Variants in TAS2R1 observed in about 807,000 individuals in gnomAD.
The protein encoded by TAS2R1 is taste receptor type 2 member 1.
For missense variants in TAS2R1, 370 were observed against 353.4 expected, an observed-to-expected ratio of 1.05 and a Z score of -0.38; for synonymous variants, 141 against 134.2, an observed-to-expected ratio of 1.05 and a Z score of -0.35.
intron 2 of TAS2R1, among the ~76,000 whole-genome samples, chr5:9,638,953 C>T (rs548203739): frequency 2.6e-5 from 4 of 152,138 alleles, no homozygotes; most frequent in Non-Finnish European, 4.4e-5. Context: ...GTTGGTGAGG[C>T]TGGTCTCACT....
chr5:9,724,838 T>C, the TAS2R1 span, among the ~76,000 whole-genome samples: 2 of 152,228 alleles, frequency 1.3e-5, no homozygotes, highest in Non-Finnish European at 2.9e-5. Context: ...CAAATGACTT[T>C]ACAATTTAGG....
chr5:9,867,438 A>T, the TAS2R1 span, among the ~76,000 whole-genome samples: 1 of 152,178 alleles, frequency 6.6e-6, no homozygotes, highest in Non-Finnish European at 1.5e-5. Context: ...TGGTGGCAGG[A>T]AAGAGTGTAT....
At chr5:9,755,580 C>T in the TAS2R1 span, among the ~76,000 whole-genome samples, 369 of 134,486 alleles carry the variant, frequency 2.7e-3, no homozygotes, top group Non-Finnish European at 4.3e-3. Flanking sequence ...GAGTGAGACT[C>T]CATCTCCAAA....
chr5:9,729,993 A>G, the TAS2R1 span, among the ~76,000 whole-genome samples: 4 of 152,238 alleles, frequency 2.6e-5, no homozygotes, highest in Non-Finnish European at 5.9e-5. Context: ...AGAATTCACA[A>G]AAGGGAAGTC....
the TAS2R1 span, among the ~76,000 whole-genome samples, chr5:9,826,536 A>C: frequency 6.6e-6 from 1 of 152,232 alleles, no homozygotes; most frequent in African/African-American, 2.4e-5. Flanking sequence ...AGAAGAAAGA[A>C]TACTTTTGCA....
chr5:9,880,697 T>C, the TAS2R1 span, among the ~76,000 whole-genome samples: 1 of 152,164 alleles, frequency 6.6e-6, no homozygotes, highest in African/African-American at 2.4e-5. Flanking sequence ...AATAGCCATG[T>C]AGACAACAAC....
At chr5:9,753,168 G>A in the TAS2R1 span, among the ~76,000 whole-genome samples, 2 of 152,346 alleles carry the variant, frequency 1.3e-5, no homozygotes, top group South Asian at 4.1e-4. Flanking sequence ...CCCACCAACA[G>A]TGTAAAATTG....
At chr5:9,792,495 C>T in the TAS2R1 span, among the ~76,000 whole-genome samples, 3 of 152,144 alleles carry the variant, frequency 2.0e-5, no homozygotes, top group Non-Finnish European at 2.9e-5. Context: ...ACACTGGCAA[C>T]GATCAACCCG....
chr5:9,722,306 C>T, the TAS2R1 span, among the ~76,000 whole-genome samples: 3 of 152,200 alleles, frequency 2.0e-5, no homozygotes, highest in Non-Finnish European at 4.4e-5. Flanking sequence ...ATTCCTGACC[C>T]ATAGACACAG....
chr5:9,799,921 T>C, the TAS2R1 span, among the ~76,000 whole-genome samples: 4 of 152,212 alleles, frequency 2.6e-5, no homozygotes, highest in African/African-American at 9.7e-5. Context: ...TATTTTGTTA[T>C]CATAAAAAAA....
the TAS2R1 span, among the ~76,000 whole-genome samples, chr5:9,791,068 C>T: frequency 6.6e-6 from 1 of 152,186 alleles, no homozygotes; most frequent in East Asian, 1.9e-4. Context: ...GAGCCCCAAC[C>T]AAGACTCTTG....
the TAS2R1 span, among the ~76,000 whole-genome samples, chr5:9,763,209 G>A: frequency 6.6e-6 from 1 of 152,282 alleles, no homozygotes; most frequent in East Asian, 1.9e-4. Context: ...GAAGCTGTTA[G>A]AAATATTATG....
At chr5:9,799,903 C>T in the TAS2R1 span, among the ~76,000 whole-genome samples, 3 of 152,036 alleles carry the variant, frequency 2.0e-5, no homozygotes, top group Non-Finnish European at 4.4e-5. Context: ...AAACGTTTTT[C>T]GTAAGATTAT....
In TAS2R1 at chr5:9,708,892, T is replaced by A. The variant is rs568177460; in HGVS notation, c.-242+3280A>T. On this transcript the variant is annotated intron_variant, in intron 1 of 2. Transcript: ENST00000506620. ...CTGTCTGTTCCCCAACTCAGCCACA[T>A]CAAGCATAATAATTTCTTACCTCAC... Among the ~76,000 whole-genome samples the A allele has an allele frequency of 5.3e-5, 8 of 152,296 alleles. 1 individual carries two copies. In the East Asian group the frequency reaches 1.5e-3, roughly 29 times the overall value.
Position 9,681,531 on chromosome 5 carries a change from C to CAAAAAAAAAAAAAAAAAAAAAAAAAA in TAS2R1, c.-241-21951_-241-21950insTTTTTTTTTTTTTTTTTTTTTTTTTT, listed in dbSNP as rs10681888. Among the ~76,000 whole-genome samples the CAAAAAAAAAAAAAAAAAAAAAAAAAA allele has an allele frequency of 6.1e-4, 54 of 87,872 alleles. 3 individuals are homozygous for CAAAAAAAAAAAAAAAAAAAAAAAAAA. Among genetic ancestry groups the CAAAAAAAAAAAAAAAAAAAAAAAAAA allele is most frequent in the East Asian group, 1.6e-3 (4 of 2,552 alleles). The allele number at this position is 87,872 out of a possible 152,430, so 57.6% of individuals were successfully genotyped here. A position where few individuals can be genotyped will look rare whatever the true frequency, so the allele number is the denominator to read the frequency against. ...TTTCAGGGGACTTCTCATGTTTCTG[C>CAAAAAAAAAAAAAAAAAAAAAAAAAA]AAAAAAAAAAAAAAAAAAAGATGCC... On this transcript the variant is annotated intron_variant, in intron 1 of 2. Coordinates refer to the TAS2R1 transcript ENST00000506620.
At chr5:9,664,547 A>G (rs145085315) in intron 1 of TAS2R1, among the ~76,000 whole-genome samples, 1 of 152,316 alleles carries the variant, frequency 6.6e-6, no homozygotes, top group East Asian at 1.9e-4. Context: ...CAGGACTGAA[A>G]GTTGCCTCTA....
the TAS2R1 span, among the ~76,000 whole-genome samples, chr5:9,859,546 G>T: frequency 1.3e-5 from 2 of 152,154 alleles, no homozygotes; most frequent in African/African-American, 4.8e-5. Context: ...ATTGCGTTCT[G>T]CTCTTGCAAG....
intron 1 of TAS2R1, among the ~76,000 whole-genome samples, chr5:9,663,618 C>T (rs1205082757): frequency 2.0e-5 from 3 of 152,188 alleles, no homozygotes; most frequent in Admixed American, 6.5e-5. Context: ...CTTATTTTCT[C>T]TTAGTATCCC....
chr5:9,828,389 G>A, the TAS2R1 span, among the ~76,000 whole-genome samples: 1 of 152,194 alleles, frequency 6.6e-6, no homozygotes, highest in East Asian at 1.9e-4. Context: ...GGCTCCCAAA[G>A]TGCTGGGATT....
Sources: allele counts gnomAD v4.1 joint callset (sites outside exome capture counted in the v4.1 genomes callset), GRCh38; gene constraint gnomAD v4.1.1; transcripts MANE v1.5; gene names NCBI Gene and HGNC (gene_info 2026-07-23, HGNC 2026-07-21).